Variants in PTPRM observed in about 807,000 individuals in gnomAD.
PTPRM encodes the protein receptor-type tyrosine-protein phosphatase mu.
In PTPRM, 47 loss-of-function variants were observed where a neutral mutation model predicts 186.7. The ratio of observed to expected loss-of-function variants is 0.25; its 90% confidence interval spans 0.20 to 0.32. PTPRM has a LOEUF of 0.32. Among genes scored for constraint, PTPRM ranks in the 10% least tolerant of loss-of-function variants. PTPRM has a pLI of 1.00. For missense variants in PTPRM, 1,494 were observed against 1,865.0 expected (o/e 0.80, Z 3.66); for synonymous variants, 668 against 674.9 (o/e 0.99, Z 0.16).
At chr18:8,240,779 A>AGC (rs1479630769) in intron 14 of PTPRM, among the ~76,000 whole-genome samples, 3 of 29,570 alleles carry the variant, frequency 1.0e-4, no homozygotes, top group Non-Finnish European at 2.1e-4. Flanking sequence ...AGAGAGAGGG[A>AGC]GAGAGAGAGA....
chr18:7,639,997 G>T (rs1041161660), intron 1 of PTPRM, among the ~76,000 whole-genome samples: 2 of 152,150 alleles, frequency 1.3e-5, no homozygotes, highest in Non-Finnish European at 2.9e-5. Flanking sequence ...CAAAGGAAGT[G>T]CATAACTAGT....
At chr18:7,985,026 C>T (rs1261663485) in intron 7 of PTPRM, among the ~76,000 whole-genome samples, 2 of 116,830 alleles carry the variant, frequency 1.7e-5, no homozygotes, top group Admixed American at 9.6e-5. Context: ...ATTATATATA[C>T]ATATATAAAT....
At chr18:8,063,438 C>T (rs778500019) in intron 7 of PTPRM, among the ~76,000 whole-genome samples, 3 of 152,116 alleles carry the variant, frequency 2.0e-5, no homozygotes, top group Non-Finnish European at 2.9e-5. Flanking sequence ...AGCTGTAGAC[C>T]GGAGCTGTTC....
intron 2 of PTPRM, among the ~76,000 whole-genome samples, chr18:7,835,036 G>A (rs1416494286): frequency 1.8e-5 from 1 of 56,358 alleles, no homozygotes; most frequent in East Asian, 4.0e-4. Context: ...ATGTTTGTCT[G>A]TTTAACTTTT....
intron 14 of PTPRM, among the ~76,000 whole-genome samples, chr18:8,145,229 G>A (rs188612504): frequency 3.5e-4 from 54 of 152,296 alleles, no homozygotes; most frequent in Admixed American, 3.5e-3. Context: ...GGGCAAGTTA[G>A]TGGAGATATT....
chr18:8,005,084 A>C (rs2084099535), intron 7 of PTPRM, among the ~76,000 whole-genome samples: 1 of 152,168 alleles, frequency 6.6e-6, no homozygotes, highest in South Asian at 2.1e-4. Context: ...CTAAGTGTTA[A>C]ATTTATTTCA....
intron 4 of PTPRM, among the ~76,000 whole-genome samples, chr18:7,925,970 A>G (rs1215267603): frequency 1.3e-5 from 2 of 152,208 alleles, no homozygotes; most frequent in African/African-American, 4.8e-5. Context: ...CTTGAATTAG[A>G]AATAAGAATC....
At chr18:7,990,839 C>CG (rs1385649390) in intron 7 of PTPRM, among the ~76,000 whole-genome samples, 1 of 151,772 alleles carries the variant, frequency 6.6e-6, no homozygotes, top group African/African-American at 2.4e-5. Context: ...GCCTGGGGGA[C>CG]GGGGGATGGG....
At chr18:7,650,736 G>A (rs1348955028) in intron 1 of PTPRM, among the ~76,000 whole-genome samples, 1 of 151,746 alleles carries the variant, frequency 6.6e-6, no homozygotes, top group Non-Finnish European at 1.5e-5. Flanking sequence ...ACACTTGTCA[G>A]CAGAAATGGT....
chr18:7,958,976 A>G (rs2053496321), intron 7 of PTPRM, among the ~76,000 whole-genome samples: 1 of 152,190 alleles, frequency 6.6e-6, no homozygotes, highest in African/African-American at 2.4e-5. Context: ...GGGAGCAGCT[A>G]CCTGAGTTTT....
At chr18:7,872,888 C>T (rs1460614337) in intron 2 of PTPRM, among the ~76,000 whole-genome samples, 1 of 152,096 alleles carries the variant, frequency 6.6e-6, no homozygotes, top group African/African-American at 2.4e-5. Context: ...TTAAGTAAAG[C>T]CACATGAGTG....
intron 2 of PTPRM, among the ~76,000 whole-genome samples, chr18:7,795,201 G>A (rs923057019): frequency 1.4e-4 from 21 of 152,116 alleles, no homozygotes; most frequent in Admixed American, 1.3e-3. Context: ...TTGTATTTTG[G>A]CATTAGACTG....
Position 7,766,876 on chromosome 18 carries a change from G to A in PTPRM, c.74-7273G>A, listed in dbSNP as rs2042039180. 2.0e-5 allele frequency among the ~76,000 whole-genome samples: 3 copies of A among 152,188 alleles called. No individual in the cohort carries two copies. In the South Asian group the frequency reaches 6.2e-4, roughly 32 times the overall value. Reference sequence around the variant, plus strand: ...ACTAGTACAGGGAATATTGATGCTTGCCTTTAGAATTTTTTTTTAAATTAA... The same window carrying A: ...ACTAGTACAGGGAATATTGATGCTTACCTTTAGAATTTTTTTTTAAATTAA... On this transcript the variant is annotated intron_variant, in intron 1 of 32. Coordinates refer to ENST00000580170, the MANE Select transcript of PTPRM (RefSeq NM_001105244.2).
chr18:8,365,854 C>T (rs546359659), intron 23 of PTPRM: 1 of 152,270 alleles, frequency 6.6e-6, no homozygotes. Context: ...ACAAAACAAT[C>T]ACTTAATAGT....
chr18:7,698,931 T>A (rs2039899244), intron 1 of PTPRM, among the ~76,000 whole-genome samples: 1 of 152,200 alleles, frequency 6.6e-6, no homozygotes, highest in Non-Finnish European at 1.5e-5. Flanking sequence ...TTGAATAGCC[T>A]ATCCTTTAAA....
chr18:7,759,435 A>G (rs1035831510), intron 1 of PTPRM, among the ~76,000 whole-genome samples: 1 of 152,246 alleles, frequency 6.6e-6, no homozygotes, highest in Non-Finnish European at 1.5e-5. Context: ...TATGAAAAAT[A>G]AAAAAGCTTC....
At chr18:7,585,112 G>A (rs1483860534) in intron 1 of PTPRM, among the ~76,000 whole-genome samples, 1 of 152,204 alleles carries the variant, frequency 6.6e-6, no homozygotes, top group East Asian at 1.9e-4. Flanking sequence ...AAACTGCAGG[G>A]AAAGCTCTCC....
At chr18:8,098,529 A>T (rs79407442) in intron 11 of PTPRM, among the ~76,000 whole-genome samples, 3,873 of 152,260 alleles carry the variant, frequency 0.025, 164 homozygotes, top group African/African-American at 0.089. Flanking sequence ...TTCATCCCTA[A>T]ATAAAAGTTA....
intron 24 of PTPRM, among the ~76,000 whole-genome samples, chr18:8,372,498 C>T (rs1349151430): frequency 6.6e-6 from 1 of 152,188 alleles, no homozygotes; most frequent in African/African-American, 2.4e-5. Flanking sequence ...AACTACCTTT[C>T]CTGGTTTGCA....
Sources: gnomAD v4.1 joint callset for allele counts (sites outside exome capture counted in the v4.1 genomes callset) on GRCh38, gnomAD v4.1.1 for gene constraint, MANE v1.5 for transcripts, NCBI Gene and HGNC (gene_info 2026-07-23, HGNC 2026-07-21) for gene names.